Variants in MACROD2 observed in about 807,000 individuals in gnomAD.
MACROD2 encodes the protein mono-ADP ribosylhydrolase 2, also known as ADP-ribose glycohydrolase MACROD2.
A neutral mutation model predicts 70.4 loss-of-function variants in MACROD2; 36 were observed. That is an observed-to-expected ratio of 0.51 (90% CI 0.39 to 0.68). The LOEUF is 0.68. Among genes scored for constraint, MACROD2 ranks in the 30% least tolerant of loss-of-function variants. The probability of loss-of-function intolerance (pLI) is 0.00; values close to 1 mark genes in which losing one functional copy is unlikely to be tolerated. For synonymous variants in MACROD2, 172 were observed against 178.8 expected, an observed-to-expected ratio of 0.96 and a Z score of 0.30; for missense variants, 496 against 538.4, an observed-to-expected ratio of 0.92 and a Z score of 0.78.
At chr20:14,222,644 A>G (rs2081686792) in intron 3 of MACROD2, among the ~76,000 whole-genome samples, 1 of 152,172 alleles carries the variant, frequency 6.6e-6, no homozygotes, top group East Asian at 1.9e-4. Context: ...ACAAATTTTT[A>G]AAAAGGCAAA....
intron 8 of MACROD2, among the ~76,000 whole-genome samples, chr20:15,581,839 T>C (rs2146648360): frequency 6.6e-6 from 1 of 152,180 alleles, no homozygotes; most frequent in Middle Eastern, 3.4e-3. Flanking sequence ...AATAAACCAC[T>C]GGCTGGGCAC....
At chr20:14,113,814 A>T (rs189171805) in intron 3 of MACROD2, among the ~76,000 whole-genome samples, 11 of 152,090 alleles carry the variant, frequency 7.2e-5, no homozygotes, top group Non-Finnish European at 1.5e-4. Flanking sequence ...TTCTCTTATG[A>T]TTCCCTTTGT....
chr20:15,403,394 G>T (rs1568780675), intron 6 of MACROD2, among the ~76,000 whole-genome samples: 1 of 151,434 alleles, frequency 6.6e-6, no homozygotes, highest in East Asian at 1.9e-4. Flanking sequence ...GTGTGTGTTT[G>T]TTAGAGAGAG....
At chr20:14,950,873 A>G (rs2074470247) in intron 5 of MACROD2, among the ~76,000 whole-genome samples, 1 of 152,170 alleles carries the variant, frequency 6.6e-6, no homozygotes, top group Non-Finnish European at 1.5e-5. Flanking sequence ...AGTCGTTAAA[A>G]GGCTTCTTTG....
chr20:15,877,936 G>T (rs117705697), intron 9 of MACROD2, among the ~76,000 whole-genome samples: 1 of 152,212 alleles, frequency 6.6e-6, no homozygotes, highest in Non-Finnish European at 1.5e-5. Context: ...GGAATTTTAT[G>T]ATCTATTTCA....
chr20:14,056,108 A>G (rs968146369), intron 2 of MACROD2, among the ~76,000 whole-genome samples: 30 of 151,980 alleles, frequency 2.0e-4, no homozygotes, highest in Admixed American at 1.3e-4. Flanking sequence ...AGTTTATTCT[A>G]TAGTTATTGG....
At chr20:15,416,774 G>GC (rs1555816401) in intron 6 of MACROD2, among the ~76,000 whole-genome samples, 1 of 151,926 alleles carries the variant, frequency 6.6e-6, no homozygotes, top group African/African-American at 2.4e-5. Context: ...CGGTGGGGGG[G>GC]CGCCGGTAGT....
At chr20:15,225,755 A>G (rs999189337) in intron 5 of MACROD2, among the ~76,000 whole-genome samples, 3 of 152,160 alleles carry the variant, frequency 2.0e-5, no homozygotes, top group African/African-American at 7.2e-5. Flanking sequence ...TTTTACTAAC[A>G]TTGTTTAGTC....
At chr20:16,012,280 A>G (rs1249564042) in intron 15 of MACROD2, among the ~76,000 whole-genome samples, 2 of 152,128 alleles carry the variant, frequency 1.3e-5, no homozygotes, top group Non-Finnish European at 2.9e-5. Context: ...CCCACATTAG[A>G]GAGGACACAC....
chr20:14,433,107 A>G (rs1433269284), intron 3 of MACROD2, among the ~76,000 whole-genome samples: 1 of 152,150 alleles, frequency 6.6e-6, no homozygotes, highest in East Asian at 1.9e-4. Context: ...ATTTAGAGAA[A>G]AATAGACCAG....
chr20:14,865,147 C>A (rs1047084878), intron 5 of MACROD2, among the ~76,000 whole-genome samples: 2 of 152,060 alleles, frequency 1.3e-5, no homozygotes, highest in African/African-American at 4.8e-5. Context: ...TGACTGCTAA[C>A]AGTTGGGTCA....
At chr20:14,487,107 C>G (rs1001013575) in intron 3 of MACROD2, among the ~76,000 whole-genome samples, 1 of 152,192 alleles carries the variant, frequency 6.6e-6, no homozygotes, top group Non-Finnish European at 1.5e-5. Flanking sequence ...CCCAGACCCA[C>G]AAAACGCCAG....
chr20:14,984,574 G>T (rs556992104), intron 5 of MACROD2, among the ~76,000 whole-genome samples: 22 of 152,280 alleles, frequency 1.4e-4, no homozygotes, highest in Admixed American at 2.0e-4. Flanking sequence ...TAAAGAAACT[G>T]CTAGACGAAC....
intron 5 of MACROD2, among the ~76,000 whole-genome samples, chr20:15,112,416 A>G (rs1234904415): frequency 1.3e-5 from 2 of 152,078 alleles, no homozygotes; most frequent in African/African-American, 4.8e-5. Flanking sequence ...TATTCTTATC[A>G]CTTAGTGAAT....
chr20:14,814,794 G>A (rs1159864085), intron 5 of MACROD2, among the ~76,000 whole-genome samples: 1 of 151,956 alleles, frequency 6.6e-6, no homozygotes, highest in Non-Finnish European at 1.5e-5. Context: ...AATAATTGCA[G>A]AGCGTGGCAC....
rs200744181 is a variant in MACROD2 at position 15,768,963 on chromosome 20, A to AT, written c.646-93781dup. ...TCACTGGAAGGTCTTCAGGGGTGAT[A>AT]TACTCATGGAGCTGTCAGCTCCTGT... On this transcript the variant is annotated intron_variant, in intron 8 of 17. Coordinates refer to ENST00000684519, the MANE Select transcript of MACROD2 (RefSeq NM_001351661.2). Among the ~76,000 whole-genome samples, 1,074 of 152,306 alleles carry AT rather than the reference A, an allele frequency of 7.1e-3. 15 individuals carry two copies. The highest frequency in any genetic ancestry group is 0.025 in the African/African-American group (1,034 of 41,566).
At chr20:14,762,932 A>AAAACAAAC (rs749076636) in intron 5 of MACROD2, among the ~76,000 whole-genome samples, 4 of 152,058 alleles carry the variant, frequency 2.6e-5, no homozygotes, top group Non-Finnish European at 5.9e-5. Flanking sequence ...TCCGTCTCAA[A>AAAACAAAC]AAACAAACAA....
rs577708080 is a variant in MACROD2 at position 14,289,988 on chromosome 20, G to A, written c.272-203491G>A. Among the ~76,000 whole-genome samples the A allele has an allele frequency of 9.0e-5, 7 of 77,980 alleles. No individual in the cohort carries two copies. In the South Asian group the frequency reaches 1.5e-3, roughly 17 times the overall value. The allele number at this position is 77,980 out of a possible 152,430, so 51.2% of individuals were successfully genotyped here. On this transcript the variant is annotated intron_variant, in intron 3 of 17. Transcript: ENST00000684519. ...GTAAGGATTCACTAGTTTTTCCCCA[G>A]TAGGAACTTAACAGTTAAGTTAGGG...
intron 5 of MACROD2, among the ~76,000 whole-genome samples, chr20:15,137,029 G>T (rs919595129): frequency 2.0e-4 from 30 of 149,852 alleles, no homozygotes; most frequent in African/African-American, 6.9e-4. Flanking sequence ...ACACCAGTTA[G>T]AATGGCAATC....
Sources: allele counts gnomAD v4.1 joint callset (sites outside exome capture counted in the v4.1 genomes callset), GRCh38; gene constraint gnomAD v4.1.1; transcripts MANE v1.5; gene names NCBI Gene and HGNC (gene_info 2026-07-23, HGNC 2026-07-21).